ADAMTSL1: variants seen among roughly 807,000 people sequenced by gnomAD.
The protein encoded by ADAMTSL1 is ADAMTS like 1.
Under a neutral mutation model 201.8 loss-of-function variants are expected in ADAMTSL1, and 126 were observed. The ratio of observed to expected loss-of-function variants is 0.62; its 90% CI spans 0.54 to 0.72. The LOEUF (loss-of-function observed/expected upper bound fraction) is 0.72. Among genes scored for constraint, ADAMTSL1 ranks in the 30% least tolerant of loss-of-function variants. ADAMTSL1 has a pLI of 0.00. For synonymous variants in ADAMTSL1, 1,121 were observed against 903.4 expected, an observed-to-expected ratio of 1.24 and a Z score of -4.32; for missense variants, 2,679 against 2,277.8, an observed-to-expected ratio of 1.18 and a Z score of -3.59.
At chr9:18,334,581 G>T (rs910700316) in intron 2 of ADAMTSL1, among the ~76,000 whole-genome samples, 1 of 152,116 alleles carries the variant, frequency 6.6e-6, no homozygotes, top group Admixed American at 6.6e-5. Context: ...TATTTTGTTT[G>T]ATTTTTCAAC....
chr9:18,285,350 C>G (rs1488418004), intron 2 of ADAMTSL1, among the ~76,000 whole-genome samples: 1 of 151,758 alleles, frequency 6.6e-6, no homozygotes, highest in Admixed American at 6.6e-5. Flanking sequence ...AAATACATAC[C>G]CCATTGTACT....
chr9:17,943,826 A>G (rs1208210436), intron 1 of ADAMTSL1, among the ~76,000 whole-genome samples: 1 of 152,148 alleles, frequency 6.6e-6, no homozygotes, highest in Non-Finnish European at 1.5e-5. Context: ...CAGGCTATAC[A>G]GAAAGCATGG....
chr9:18,576,747 G>T (rs527336574), intron 4 of ADAMTSL1, among the ~76,000 whole-genome samples: 2 of 152,260 alleles, frequency 1.3e-5, no homozygotes, highest in African/African-American at 4.8e-5. Context: ...TTACTCAGTA[G>T]TAATAGAGCA....
intron 2 of ADAMTSL1, among the ~76,000 whole-genome samples, chr9:18,289,656 A>G (rs547410238): frequency 6.1e-4 from 93 of 152,310 alleles, no homozygotes; most frequent in Admixed American, 1.2e-3. Context: ...AGATCTGGCT[A>G]TGATAGGTAT....
chr9:18,631,597 T>C (rs1479088875), intron 5 of ADAMTSL1, among the ~76,000 whole-genome samples: 4 of 152,126 alleles, frequency 2.6e-5, no homozygotes. Context: ...AACTCAGATA[T>C]CAGAATAGGA....
intron 2 of ADAMTSL1, among the ~76,000 whole-genome samples, chr9:18,431,493 A>ATAAGAAT (rs1354838032): frequency 6.6e-6 from 1 of 152,198 alleles, no homozygotes; most frequent in Non-Finnish European, 1.5e-5. Flanking sequence ...TGCACTGGGG[A>ATAAGAAT]TAAGAATTAA....
At chr9:18,778,334 A>G (rs1216926630) in intron 19 of ADAMTSL1, among the ~76,000 whole-genome samples, 1 of 152,240 alleles carries the variant, frequency 6.6e-6, no homozygotes, top group Non-Finnish European at 1.5e-5. Context: ...GGCTGGGCAG[A>G]GAATGCAGCC....
chr9:18,052,702 G>A (rs1334989049), intron 1 of ADAMTSL1, among the ~76,000 whole-genome samples: 1 of 152,058 alleles, frequency 6.6e-6, no homozygotes, highest in African/African-American at 2.4e-5. Flanking sequence ...ATTAAAAACA[G>A]CATCATCATC....
At chr9:18,246,480 G>A (rs981426930) in intron 2 of ADAMTSL1, among the ~76,000 whole-genome samples, 2 of 151,998 alleles carry the variant, frequency 1.3e-5, no homozygotes, top group African/African-American at 4.8e-5. Flanking sequence ...CAAGAAAAGT[G>A]GTATCTAAGC....
chr9:18,272,878 C>G (rs1417127965), intron 2 of ADAMTSL1, among the ~76,000 whole-genome samples: 1 of 152,140 alleles, frequency 6.6e-6, no homozygotes, highest in Non-Finnish European at 1.5e-5. Flanking sequence ...AAATCTGCAC[C>G]AACCTTTGTT....
At chr9:18,410,113 A>C (rs1682954836) in intron 2 of ADAMTSL1, among the ~76,000 whole-genome samples, 1 of 151,986 alleles carries the variant, frequency 6.6e-6, no homozygotes, top group Non-Finnish European at 1.5e-5. Flanking sequence ...CTTAGTTTAA[A>C]TATTTTATTA....
At chr9:17,947,833 A>G (rs190063628) in intron 1 of ADAMTSL1, among the ~76,000 whole-genome samples, 103 of 152,246 alleles carry the variant, frequency 6.8e-4, no homozygotes, top group African/African-American at 2.4e-3. Context: ...AATTTAGGGG[A>G]ACAACTATTC....
chr9:18,803,656 C>G (rs1822934893), intron 20 of ADAMTSL1, among the ~76,000 whole-genome samples: 1 of 152,180 alleles, frequency 6.6e-6, no homozygotes, highest in South Asian at 2.1e-4. Context: ...AGACACCAAA[C>G]CAAAAAATGT....
At chr9:18,277,110 C>G (rs1406922291) in intron 2 of ADAMTSL1, among the ~76,000 whole-genome samples, 7 of 152,180 alleles carry the variant, frequency 4.6e-5, no homozygotes, top group Non-Finnish European at 1.0e-4. Flanking sequence ...AGAAAAGATA[C>G]TTGATATGAT....
At chr9:18,600,413 C>T (rs970056830) in intron 4 of ADAMTSL1, among the ~76,000 whole-genome samples, 3 of 152,222 alleles carry the variant, frequency 2.0e-5, no homozygotes, top group African/African-American at 4.8e-5. Flanking sequence ...GATTTGAACT[C>T]AGATCTGTCT....
chr9:18,861,499 G>T (rs1827214864), intron 23 of ADAMTSL1, among the ~76,000 whole-genome samples: 1 of 152,130 alleles, frequency 6.6e-6, no homozygotes, highest in South Asian at 2.1e-4. Context: ...GGAGTCTCTG[G>T]AGTATATAAA....
chr9:18,036,170 A>T (rs1236756591), intron 1 of ADAMTSL1, among the ~76,000 whole-genome samples: 1 of 152,220 alleles, frequency 6.6e-6, no homozygotes, highest in African/African-American at 2.4e-5. Context: ...TCTTCCAGGC[A>T]TACTTTAAAG....
chr9:18,244,877 T>C (rs1028462661), intron 2 of ADAMTSL1, among the ~76,000 whole-genome samples: 3 of 152,198 alleles, frequency 2.0e-5, no homozygotes, highest in South Asian at 2.1e-4. Context: ...GAACTACATA[T>C]ACTCTATATC....
chr9:18,364,908 G>A lies in ADAMTSL1; in HGVS notation c.208-139921G>A, dbSNP rs183763068. 4.6e-5 allele frequency among the ~76,000 whole-genome samples: 7 copies of A among 152,102 alleles called. No individual in the cohort carries two copies. In the East Asian group the frequency reaches 7.8e-4, roughly 17 times the overall value. ...ATAACTCACTATGCAGTACCAAAGC[G>A]GGTACTAAACCATTCATCAGAACTC... On this transcript the variant is annotated intron_variant, in intron 2 of 29. Transcript: ENST00000680146.
Sources: allele counts gnomAD v4.1 joint callset (sites outside exome capture counted in the v4.1 genomes callset), GRCh38; gene constraint gnomAD v4.1.1; transcripts MANE v1.5; gene names NCBI Gene and HGNC (gene_info 2026-07-23, HGNC 2026-07-21).